TSPAN7: variants seen among roughly 807,000 people sequenced by gnomAD.
TSPAN7 encodes the protein tetraspanin 7.
Under a neutral mutation model 17.6 loss-of-function variants are expected in TSPAN7, and 1 was observed. The ratio of observed to expected loss-of-function variants is 0.06; its 90% CI spans 0.02 to 0.27. TSPAN7 has a LOEUF of 0.27. TSPAN7 is among the 10% of genes least tolerant of loss of function. The pLI is 1.00. For synonymous variants in TSPAN7, 78 were observed against 79.0 expected (o/e 0.99, Z 0.07); for missense variants, 112 against 201.7 (o/e 0.56, Z 2.69).
chrX:38,576,964 T>G (rs2069197211), intron 1 of TSPAN7, among the ~76,000 whole-genome samples: 1 of 110,880 alleles, frequency 9.0e-6, no homozygotes, highest in African/African-American at 3.3e-5. Context: ...GTTGGTTGGG[T>G]TGAAATAGGA....
At chrX:38,575,358 A>G (rs2069188485) in intron 1 of TSPAN7, among the ~76,000 whole-genome samples, 1 of 112,328 alleles carries the variant, frequency 8.9e-6, no homozygotes, top group African/African-American at 3.2e-5. Flanking sequence ...ATTTGTGGTA[A>G]TATTGTTATG....
At position 38,688,173 on chromosome X, in the gene TSPAN7, T is replaced by C; in HGVS notation, c.*242T>C. 1 of 114,379 alleles carries C rather than the reference T, an allele frequency of 8.7e-6. No individual in the cohort carries two copies. 9.4% of individuals were successfully genotyped at this position (114,379 alleles called of 1,213,427 possible). The stretch of plus-strand genomic sequence containing the variant: ...TGTTGTGCCACAGAGTGTAGCCAGG[T>C]CCCCCTGCAGCTAGTCCTAGTGAAC... On this transcript the variant is annotated 3_prime_UTR_variant, in exon 8 of 8. Coordinates refer to ENST00000378482, the MANE Select transcript of TSPAN7 (RefSeq NM_004615.4).
At chrX:38,616,651 G>A (rs183212611) in intron 1 of TSPAN7, among the ~76,000 whole-genome samples, 102 of 112,283 alleles carry the variant, frequency 9.1e-4, no homozygotes, top group African/African-American at 3.1e-3. Context: ...GGTTGGACAA[G>A]CTTGATCTAT....
chrX:38,648,358 A>G (rs749426010), intron 1 of TSPAN7, among the ~76,000 whole-genome samples: 1 of 112,246 alleles, frequency 8.9e-6, no homozygotes, highest in Non-Finnish European at 1.9e-5. Flanking sequence ...GATTATTTGC[A>G]TCACTACATG....
In TSPAN7 at chrX:38,604,626, G is replaced by C. The variant is rs1347554923; in HGVS notation, c.81+42999G>C. 2.7e-5 allele frequency among the ~76,000 whole-genome samples: 3 copies of C among 111,352 alleles called. No homozygotes were observed. In the East Asian group the frequency reaches 8.5e-4, roughly 32 times the overall value. ...TGCATTTCTCTGATGGCCAGTGATG[G>C]TGAGCATTTTTTCATGTGTTTTTTG... is the stretch of plus-strand genomic sequence containing the variant. On this transcript the variant is annotated intron_variant, in intron 1 of 7. Coordinates refer to ENST00000378482, the MANE Select transcript of TSPAN7 (RefSeq NM_004615.4).
intron 2 of TSPAN7, among the ~76,000 whole-genome samples, chrX:38,666,603 T>C (rs1372538061): frequency 9.3e-6 from 1 of 107,823 alleles, no homozygotes; most frequent in African/African-American, 3.4e-5. Context: ...TTTTCTTTTT[T>C]TTTTTTTTCT....
intron 4 of TSPAN7, 137 bp downstream of exon 4, chrX:38,674,453 T>A: frequency 1.8e-6 from 1 of 560,473 alleles, no homozygotes; most frequent in Non-Finnish European, 3.1e-6. Context: ...TGCCAAGAGT[T>A]GACACCCAGT....
intron 1 of TSPAN7, among the ~76,000 whole-genome samples, chrX:38,623,787 T>C (rs1392941836): frequency 9.2e-6 from 1 of 108,361 alleles, no homozygotes; most frequent in African/African-American, 3.4e-5. Context: ...CTGAACAGAT[T>C]TTTCTTCCCT....
chrX:38,628,965 C>T (rs2069536418), intron 1 of TSPAN7, among the ~76,000 whole-genome samples: 1 of 111,832 alleles, frequency 8.9e-6, no homozygotes, highest in South Asian at 3.7e-4. Context: ...TTGTGTATTT[C>T]AAATGTTTTT....
intron 1 of TSPAN7, among the ~76,000 whole-genome samples, chrX:38,661,805 T>C (rs1569313736): frequency 9.3e-6 from 1 of 107,796 alleles, no homozygotes; most frequent in Admixed American, 9.9e-5. Flanking sequence ...AACTTACTCA[T>C]TGCACCTCAC....
intron 1 of TSPAN7, among the ~76,000 whole-genome samples, chrX:38,588,353 C>T (rs928918821): frequency 3.3e-4 from 37 of 111,401 alleles, no homozygotes; most frequent in African/African-American, 1.2e-3. Context: ...TATTTAACTA[C>T]ATCTTAATAC....
At chrX:38,580,571 A>C (rs1302256252) in intron 1 of TSPAN7, among the ~76,000 whole-genome samples, 1 of 111,828 alleles carries the variant, frequency 8.9e-6, no homozygotes, top group African/African-American at 3.3e-5. Context: ...CAAAGGAGTA[A>C]CCACTGCATG....
At chrX:38,656,879 A>G (rs771216491) in intron 1 of TSPAN7, among the ~76,000 whole-genome samples, 2 of 112,342 alleles carry the variant, frequency 1.8e-5, no homozygotes, top group African/African-American at 3.2e-5. Context: ...GGAGAACTCA[A>G]CAATGCTTAT....
rs570713450 is a variant in TSPAN7 at position 38,590,328 on chromosome X, C to T, written c.81+28701C>T. On this transcript the variant is annotated intron_variant, in intron 1 of 7. Transcript: ENST00000378482. ...TGTGTTGCCCAAACTGGTAATTTTG[C>T]TAAAATTTTAATTAGAATTTATGCA... Among the ~76,000 whole-genome samples the T allele has an allele frequency of 2.7e-5, 3 of 111,752 alleles. No homozygotes were observed. In the South Asian group the frequency reaches 1.1e-3, roughly 41 times the overall value.
At chrX:38,624,916 G>A (rs1359597958) in intron 1 of TSPAN7, among the ~76,000 whole-genome samples, 1 of 112,446 alleles carries the variant, frequency 8.9e-6, no homozygotes, top group Non-Finnish European at 1.9e-5. Context: ...TACAACTAAG[G>A]TTTGAGAGTT....
intron 1 of TSPAN7, among the ~76,000 whole-genome samples, chrX:38,592,208 A>G (rs1345500580): frequency 8.9e-6 from 1 of 111,795 alleles, no homozygotes; most frequent in Non-Finnish European, 1.9e-5. Flanking sequence ...TTACAATTCA[A>G]CATGAGATTT....
At chrX:38,605,994 G>T (rs1384506043) in intron 1 of TSPAN7, among the ~76,000 whole-genome samples, 1 of 106,835 alleles carries the variant, frequency 9.4e-6, no homozygotes, top group Admixed American at 1.0e-4. Context: ...TCAGGACATA[G>T]GCATGGGCAA....
At chrX:38,579,409 G>A (rs770937941) in intron 1 of TSPAN7, among the ~76,000 whole-genome samples, 5 of 107,376 alleles carry the variant, frequency 4.7e-5, no homozygotes, top group Admixed American at 1.0e-4. Flanking sequence ...GTAAAACCCC[G>A]TCTCTACTAA....
chrX:38,599,821 T>C (rs2069336500), intron 1 of TSPAN7, among the ~76,000 whole-genome samples: 1 of 112,179 alleles, frequency 8.9e-6, no homozygotes, highest in South Asian at 3.7e-4. Context: ...GCCTTCCAAT[T>C]TTGTGAGAAA....
Sources: allele counts gnomAD v4.1 joint callset (sites outside exome capture counted in the v4.1 genomes callset), GRCh38; gene constraint gnomAD v4.1.1; transcripts MANE v1.5; gene names NCBI Gene and HGNC (gene_info 2026-07-23, HGNC 2026-07-21).